The following ITGB6 variants were observed in gnomAD, a reference collection of about 807,000 sequenced individuals.
ITGB6 encodes integrin beta-6.
A neutral mutation model predicts 84.5 loss-of-function variants in ITGB6; 80 were observed. The ratio of observed to expected loss-of-function variants is 0.95; its 90% CI spans 0.79 to 1.14. ITGB6 has a LOEUF of 1.14. Ranked by LOEUF, ITGB6 falls within the 50% of genes most tolerant of loss-of-function variation. The pLI, the probability that ITGB6 is intolerant of heterozygous loss-of-function variation, is 0.00. For missense variants in ITGB6, 1,006 were observed against 968.0 expected (o/e 1.04, Z -0.52); for synonymous variants, 383 against 354.9 (o/e 1.08, Z -0.89).
intron 10 of ITGB6, 60 bp downstream of exon 10, chr2:160,137,374 C>A: frequency 6.6e-7 from 1 of 1,512,226 alleles, no homozygotes; most frequent in Admixed American, 1.8e-5. Flanking sequence ...GCAGAGGATG[C>A]CAAGCCCCTT....
chr2:160,120,668 T>TAAAAAAAAAA (rs200095827), intron 12 of ITGB6, among the ~76,000 whole-genome samples: 1 of 16,116 alleles, frequency 6.2e-5, no homozygotes, highest in African/African-American at 3.1e-4. Context: ...AGAGTATAAT[T>TAAAAAAAAAA]AAAAAAAAAA....
intron 4 of ITGB6, among the ~76,000 whole-genome samples, chr2:160,181,846 C>G (rs564264978): frequency 1.3e-5 from 2 of 152,190 alleles, no homozygotes; most frequent in Admixed American, 1.3e-4. Flanking sequence ...CCCAGGCAAA[C>G]AGGGTCTGGA....
At chr2:160,197,005 G>T (rs1022524368) in intron 2 of ITGB6, among the ~76,000 whole-genome samples, 5 of 152,100 alleles carry the variant, frequency 3.3e-5, no homozygotes, top group African/African-American at 1.2e-4. Flanking sequence ...GCATCGGTCT[G>T]TTACCCTTAT....
rs543411534 is a variant in ITGB6, at chr2:160,198,704, A to G, written c.141+475T>C. Among the ~76,000 whole-genome samples the G allele has an allele frequency of 2.6e-5, 4 of 152,356 alleles. No individual in the cohort carries two copies. The East Asian group carries it at 7.7e-4, about 29-fold the overall frequency. ...GCCATTTTTAAAGGAACTGGATAATATCTGACCAGTAATATTTGCCCCAAA... is the reference window on the plus strand; with the variant it reads ...GCCATTTTTAAAGGAACTGGATAATGTCTGACCAGTAATATTTGCCCCAAA... On this transcript the variant is annotated intron_variant, in intron 2 of 14. Transcript: ENST00000283249.
chr2:160,176,196 C>T (rs1685414069), intron 4 of ITGB6, among the ~76,000 whole-genome samples: 1 of 152,254 alleles, frequency 6.6e-6, no homozygotes, highest in South Asian at 2.1e-4. Context: ...CACTTCTGAC[C>T]CCTCCCCCAT....
chr2:160,137,864 A>T lies in ITGB6; in HGVS notation c.1243-13T>A, dbSNP rs748192094. 6.2e-7 allele frequency: 1 copy of T among 1,610,610 alleles called. No individual in the cohort carries two copies. The highest frequency in any genetic ancestry group is 2.2e-5 in the East Asian group (1 of 44,810). ...CGCTGAAGGAAGCCTGGAAAAGAAA[A>T]TACTAATTATCTCCCTCCATCCACC... is the stretch of plus-strand genomic sequence containing the variant. On this transcript the variant is annotated splice_polypyrimidine_tract_variant and intron_variant, in intron 9 of 14. Transcript: ENST00000283249.
At chr2:160,126,911 G>C (rs1017981839) in intron 10 of ITGB6, among the ~76,000 whole-genome samples, 1 of 152,118 alleles carries the variant, frequency 6.6e-6, no homozygotes, top group East Asian at 1.9e-4. Context: ...TCAGCCAAGG[G>C]CATTCTAAAC....
intron 12 of ITGB6, among the ~76,000 whole-genome samples, chr2:160,116,830 A>C (rs1236951886): frequency 1.3e-5 from 2 of 151,976 alleles, no homozygotes; most frequent in Admixed American, 1.3e-4. Flanking sequence ...TCTACCAAGC[A>C]AATGGAAAAC....
rs534547095 is a variant in ITGB6 at position 160,176,377 on chromosome 2, C to A, written c.594-2238G>T. 7.2e-5 allele frequency among the ~76,000 whole-genome samples: 11 copies of A among 152,348 alleles called. No individual in the cohort carries two copies. In the East Asian group the frequency reaches 1.2e-3, roughly 16 times the overall value. The stretch of plus-strand genomic sequence containing the variant: ...AGCCCACTAGGTCTCTCTGTCCTTT[C>A]AGCTGCATCAATACACCTAGTCTAC... On this transcript the variant is annotated intron_variant, in intron 4 of 14. Coordinates refer to ENST00000283249, the MANE Select transcript of ITGB6 (RefSeq NM_000888.5).
intron 13 of ITGB6, among the ~76,000 whole-genome samples, chr2:160,108,492 A>G (rs1331294715): frequency 6.6e-6 from 1 of 152,148 alleles, no homozygotes; most frequent in East Asian, 1.9e-4. Flanking sequence ...CATCTGATGT[A>G]CAGTAGCTGT....
chr2:160,116,395 T>C (rs1320617308), intron 12 of ITGB6, among the ~76,000 whole-genome samples: 1 of 151,086 alleles, frequency 6.6e-6, no homozygotes, highest in East Asian at 1.9e-4. Context: ...ACCCAGAATT[T>C]CATATCCAGC....
intron 8 of ITGB6, among the ~76,000 whole-genome samples, chr2:160,140,372 G>GA (rs1349782682): frequency 6.6e-6 from 1 of 152,186 alleles, no homozygotes; most frequent in African/African-American, 2.4e-5. Context: ...AAGTATTTGG[G>GA]ATCTTAAAGT....
In ITGB6 at chr2:160,100,884, T is replaced by A. The variant is rs1490436379; in HGVS notation, c.*852A>T. The A allele has an allele frequency of 2.6e-5, 4 of 151,608 alleles. No individual in the cohort carries two copies. Among genetic ancestry groups the A allele is most frequent in the Non-Finnish European group, 5.9e-5 (4 of 67,768 alleles). The allele number at this position is 151,608 out of a possible 1,614,324, so 9.4% of individuals were successfully genotyped here. A position where few individuals can be genotyped will look rare whatever the true frequency, so the allele number is the denominator to read the frequency against. On this transcript the variant is annotated 3_prime_UTR_variant, in exon 15 of 15. Coordinates refer to ENST00000283249, the MANE Select transcript of ITGB6 (RefSeq NM_000888.5). ...TGAATAAACTAAGCATTTAAAGTAA[T>A]TTTTTTTTAAAAAGAAACTTTGGTA...
At chr2:160,177,332 C>T (rs919295145) in intron 4 of ITGB6, among the ~76,000 whole-genome samples, 1 of 151,864 alleles carries the variant, frequency 6.6e-6, no homozygotes, top group Admixed American at 6.6e-5. Context: ...TTTGGGAGGC[C>T]GAGGTGGGCG....
chr2:160,168,751 T>G (rs1188638061), intron 7 of ITGB6, among the ~76,000 whole-genome samples: 2 of 152,200 alleles, frequency 1.3e-5, no homozygotes, highest in African/African-American at 2.4e-5. Flanking sequence ...CCTTTAACTT[T>G]CCAATTCTCA....
intron 7 of ITGB6, among the ~76,000 whole-genome samples, chr2:160,156,447 C>G (rs1227551039): frequency 6.6e-6 from 1 of 152,178 alleles, no homozygotes; most frequent in Non-Finnish European, 1.5e-5. Flanking sequence ...ACCCAAGGCT[C>G]TCGAAGAGAC....
chr2:160,134,704 A>T (rs1309640225), intron 10 of ITGB6, among the ~76,000 whole-genome samples: 2 of 152,200 alleles, frequency 1.3e-5, no homozygotes, highest in Non-Finnish European at 2.9e-5. Context: ...AAGCTTACCC[A>T]CCATGATCAA....
At chr2:160,181,973 A>T (rs1052824696) in intron 4 of ITGB6, among the ~76,000 whole-genome samples, 4 of 152,290 alleles carry the variant, frequency 2.6e-5, no homozygotes, top group South Asian at 2.1e-4. Flanking sequence ...CCACACAAAA[A>T]ACCCCATCCG....
intron 12 of ITGB6, among the ~76,000 whole-genome samples, chr2:160,113,664 T>C (rs541066626): frequency 6.6e-6 from 1 of 152,344 alleles, no homozygotes; most frequent in Admixed American, 6.5e-5. Flanking sequence ...TTGGGTATTC[T>C]GATTTGAGAA....
Sources: allele counts gnomAD v4.1 joint callset (sites outside exome capture counted in the v4.1 genomes callset), GRCh38; gene constraint gnomAD v4.1.1; transcripts MANE v1.5; gene names NCBI Gene and HGNC (gene_info 2026-07-23, HGNC 2026-07-21).